The following SYCP1 variants were observed in gnomAD, a reference collection of about 807,000 sequenced individuals.
The protein encoded by SYCP1 is synaptonemal complex protein 1, also known as cancer/testis antigen 8.
In SYCP1, 64 loss-of-function variants were observed where a neutral mutation model predicts 153.1. The ratio of observed to expected loss-of-function variants is 0.42; its 90% confidence interval spans 0.34 to 0.51. The LOEUF (loss-of-function observed/expected upper bound fraction) is 0.51, where lower values mean the gene tolerates loss of function less well. SYCP1 is among the 20% of genes least tolerant of loss of function. The pLI, the probability that SYCP1 is intolerant of heterozygous loss-of-function variation, is 0.06. For synonymous variants in SYCP1, 384 were observed against 341.8 expected (o/e 1.12, Z -1.36); for missense variants, 997 against 1,049.0 (o/e 0.95, Z 0.68).
At chr1:114,974,085 G>A (rs1273658299) in intron 27 of SYCP1, among the ~76,000 whole-genome samples, 1 of 151,576 alleles carries the variant, frequency 6.6e-6, no homozygotes, top group African/African-American at 2.4e-5. Context: ...TTTGTCTCCT[G>A]TGTTTTTGTC....
At chr1:114,856,430 T>C (rs1297228832) in intron 2 of SYCP1, 143 bp from the exon 3 acceptor site, 6 of 464,774 alleles carry the variant, frequency 1.3e-5, no homozygotes, top group African/African-American at 2.0e-5. Context: ...GCATTTGATA[T>C]TTTAAACACT....
intron 26 of SYCP1, among the ~76,000 whole-genome samples, chr1:114,946,636 G>T (rs1346936749): frequency 6.6e-6 from 1 of 152,130 alleles, no homozygotes; most frequent in Non-Finnish European, 1.5e-5. Context: ...GATTGAAATT[G>T]GGAGAGGAGG....
At chr1:114,977,698 T>C (rs1218319515) in intron 28 of SYCP1, 82 bp downstream of exon 28, 30 of 901,278 alleles carry the variant, frequency 3.3e-5, no homozygotes, top group Non-Finnish European at 4.6e-5. Flanking sequence ...TGTTTATAAG[T>C]AGGAAAATAA....
At chr1:114,965,368 T>G (rs12134595) in intron 27 of SYCP1, among the ~76,000 whole-genome samples, 75,291 of 151,968 alleles carry the variant, frequency 0.5, 19,967 homozygotes, top group Middle Eastern at 0.62. Flanking sequence ...TTACCTGATT[T>G]CCCTGGCCAG....
chr1:114,886,132 A>G lies in SYCP1; in HGVS notation c.1013A>G (p.Gln338Arg), dbSNP rs762606463. 6.3e-7 allele frequency: 1 copy of G among 1,590,182 alleles called. No individual in the cohort carries two copies. The highest frequency in any genetic ancestry group is 2.3e-5 in the East Asian group (1 of 44,408). The part of the protein sequence containing the change: ...KVSLQRSVST[Q>R]KALEEDLQIA... Reference sequence around the variant, plus strand: ...ATACTTTATTTCATTTAGAGTACTCAAAAGGCTTTAGAGGAAGATTTACAG... The same window carrying G: ...ATACTTTATTTCATTTAGAGTACTCGAAAGGCTTTAGAGGAAGATTTACAG... Residue 338 changes from glutamine to arginine, a missense_variant, in exon 14 of 32, where the codon CAA becomes CGA. Around this residue, in one of 2 missense-constraint regions of SYCP1, gnomAD observed 285 missense variants for 366.1 expected, o/e 0.78. Coordinates refer to ENST00000369522, the MANE Select transcript of SYCP1 (RefSeq NM_003176.4).
At position 114,858,652 on chromosome 1, in the gene SYCP1, A is replaced by G. The variant is rs764441040; in HGVS notation, c.397A>G (p.Lys133Glu). Reference protein sequence around the residue: ...TEAELRQKESKLQENRKIIEA... With the variant: ...TEAELRQKESELQENRKIIEA... ...AGCTGAACTGAGACAGAAAGAAAGT[A>G]AGTTGCAAGAAAACAGAAAGATAAT... Residue 133 changes from lysine to glutamate, a missense_variant, in exon 6 of 32, where the codon AAG becomes GAG. Lys to Glu is a moderately conservative substitution (Grantham distance 56, BLOSUM62 1). Transcript: ENST00000369522. 5.0e-6 allele frequency: 8 copies of G among 1,612,622 alleles called. No individual in the cohort carries two copies. Among genetic ancestry groups the G allele is most frequent in the Admixed American group, 3.3e-5 (2 of 59,756 alleles).
Position 114,881,543 on chromosome 1 carries a change from T to TTC in SYCP1, c.910+3341_910+3342insTC, listed in dbSNP as rs1383711421. ...TCCTTCCTTCCTTCCTTCCTTCCTTTCTTGATGGAGTCTCGCTCTGTTGCC... is the reference window on the plus strand; with the variant it reads ...TCCTTCCTTCCTTCCTTCCTTCCTTTTCCTTGATGGAGTCTCGCTCTGTTGCC... On this transcript the variant is annotated intron_variant, in intron 12 of 31. Coordinates refer to ENST00000369522, the MANE Select transcript of SYCP1 (RefSeq NM_003176.4). Among the ~76,000 whole-genome samples, 236 of 123,238 alleles carry TTC rather than the reference T, an allele frequency of 1.9e-3. 11 individuals are homozygous for TTC. The highest frequency in any genetic ancestry group is 0.014 in the Middle Eastern group (3 of 212). 80.8% of individuals were successfully genotyped at this position (123,238 alleles called of 152,430 possible).
At chr1:114,947,348 T>C in intron 27 of SYCP1, 28 bp downstream of exon 27, 1 of 1,567,954 alleles carries the variant, frequency 6.4e-7, no homozygotes, top group Non-Finnish European at 8.7e-7. Context: ...ATAGATAAAA[T>C]GATTACAAGG....
chr1:114,975,988 C>A (rs1000599952), intron 27 of SYCP1, among the ~76,000 whole-genome samples: 1 of 151,676 alleles, frequency 6.6e-6, no homozygotes, highest in African/African-American at 2.4e-5. Context: ...CATGGGCTCA[C>A]CATGAAGTAG....
rs1489233848 is a variant in SYCP1 at position 114,857,270 on chromosome 1, G to A, written c.232G>A (p.Glu78Lys). 3 of 1,602,682 alleles carry A rather than the reference G, an allele frequency of 1.9e-6. No individual in the cohort carries two copies. Among genetic ancestry groups the A allele is most frequent in the South Asian group, 1.1e-5 (1 of 88,236 alleles). ...AAAAGTTAATTTCTTGCCCGTGCTT[G>A]AGCAGGTCAGTTAAGCATAGTACAT... is the stretch of plus-strand genomic sequence containing the variant. ...LQKVNFLPVLEQVGNSDCHYQ... is the reference protein window; with the variant it reads ...LQKVNFLPVLKQVGNSDCHYQ... The change falls in exon 4 of 32, where the codon GAG becomes AAG. Residue 78 changes from glutamate (E) to lysine (K), a missense_variant. By Grantham distance (56) the Glu-to-Lys change is moderately conservative. Transcript: ENST00000369522.
At chr1:114,929,086 A>G (rs1172461001) in intron 23 of SYCP1, among the ~76,000 whole-genome samples, 1 of 152,178 alleles carries the variant, frequency 6.6e-6, no homozygotes, top group African/African-American at 2.4e-5. Flanking sequence ...CACTAATCCC[A>G]TTAATGAAGG....
intron 9 of SYCP1, among the ~76,000 whole-genome samples, chr1:114,875,617 A>G (rs1665473082): frequency 6.6e-6 from 1 of 152,138 alleles, no homozygotes. Flanking sequence ...ATAGGCACTC[A>G]GTAATTAATT....
chr1:114,861,621 G>A (rs1172022928), intron 8 of SYCP1, among the ~76,000 whole-genome samples: 1 of 152,016 alleles, frequency 6.6e-6, no homozygotes, highest in Non-Finnish European at 1.5e-5. Context: ...TGAATAATTT[G>A]AGTAAATTAT....
At chr1:114,919,783 A>G (rs780945565) in intron 20 of SYCP1, among the ~76,000 whole-genome samples, 8 of 151,756 alleles carry the variant, frequency 5.3e-5, no homozygotes, top group Non-Finnish European at 1.0e-4. Flanking sequence ...CAATTTATTG[A>G]TGTGTAGTTG....
At chr1:114,923,666 C>T (rs1669056681) in intron 21 of SYCP1, 136 bp downstream of exon 21, 1 of 831,910 alleles carries the variant, frequency 1.2e-6, no homozygotes, top group South Asian at 3.2e-5. Flanking sequence ...CAGCCATCAA[C>T]CTTAAATATC....
rs539186747 is a variant in SYCP1 at position 114,872,261 on chromosome 1, A to C, written c.599-2245A>C. Among the ~76,000 whole-genome samples, 15 of 152,174 alleles carry C rather than the reference A, an allele frequency of 9.9e-5. No individual in the cohort carries two copies. The South Asian group carries it at 2.5e-3, about 25-fold the overall frequency. On this transcript the variant is annotated intron_variant, in intron 8 of 31. Transcript: ENST00000369522. ...GGTCTGCTGGCAACACATTCTGTCAACTTTTGTCAAAGAAAGTATTTATTT... is the reference window on the plus strand; with the variant it reads ...GGTCTGCTGGCAACACATTCTGTCACCTTTTGTCAAAGAAAGTATTTATTT...
chr1:114,984,898 T>A, intron 30 of SYCP1, 30 bp downstream of exon 30: 1 of 1,089,472 alleles, frequency 9.2e-7, no homozygotes, highest in Non-Finnish European at 1.2e-6. Flanking sequence ...TATTTAGTAT[T>A]TATTTATATT....
intron 15 of SYCP1, among the ~76,000 whole-genome samples, chr1:114,891,637 A>G (rs986344553): frequency 6.6e-6 from 1 of 152,106 alleles, no homozygotes; most frequent in Non-Finnish European, 1.5e-5. Flanking sequence ...TCAGTCTAAT[A>G]TTGCTGTAAA....
chr1:114,876,098 T>C lies in SYCP1; in HGVS notation c.687T>C (p.Arg229=). 1.3e-6 allele frequency: 2 copies of C among 1,585,836 alleles called. No homozygotes were observed. Among genetic ancestry groups the C allele is most frequent in the Non-Finnish European group, 8.6e-7 (1 of 1,164,568 alleles). Residue 229 remains arginine, a synonymous_variant, in exon 10 of 32, where the codon CGT becomes CGC. Transcript: ENST00000369522. ...EKMITAFEEL[R]VQAENSRLEM... is the part of the protein sequence containing the mutation. ...TGATAACAGCTTTTGAGGAACTTCG[T>C]GTGCAAGCTGAGAATTCCAGACTGG...
Sources: gnomAD v4.1 joint callset for allele counts (sites outside exome capture counted in the v4.1 genomes callset) on GRCh38, gnomAD v4.1.1 for gene constraint, gnomAD v4.1.1 regional missense constraint, MANE v1.5 for transcripts, NCBI Gene and HGNC (gene_info 2026-07-23, HGNC 2026-07-21) for gene names.